BCL7C: variants seen among roughly 807,000 people sequenced by gnomAD.
BCL7C encodes the protein B-cell CLL/lymphoma 7 protein family member C.
A neutral mutation model predicts 26.2 loss-of-function variants in BCL7C; 8 were observed. That is an observed-to-expected ratio of 0.30 (90% CI 0.18 to 0.55). The LOEUF (loss-of-function observed/expected upper bound fraction) is 0.55. BCL7C is among the 20% of genes least tolerant of loss of function. The probability of loss-of-function intolerance (pLI) is 0.93; values close to 1 mark genes in which losing one functional copy is unlikely to be tolerated. For missense variants in BCL7C, 262 were observed against 298.5 expected (o/e 0.88, Z 0.90); for synonymous variants, 90 against 116.5 (o/e 0.77, Z 1.47).
At chr16:30,860,065 TTCAATCTCCCTCTCTCGCTACCC>T in intron 5 of BCL7C, among the ~76,000 whole-genome samples, 1 of 12,496 alleles carries the variant, frequency 8.0e-5, no homozygotes, top group Admixed American at 1.4e-3. Flanking sequence ...CTTGCTACCC[TTCAATCTCCCTCTCTCGCTACCC>T]TTCAATCTCC....
intron 5 of BCL7C, among the ~76,000 whole-genome samples, chr16:30,870,104 T>C (rs2054869814): frequency 6.6e-6 from 1 of 152,126 alleles, no homozygotes; most frequent in South Asian, 2.1e-4. Flanking sequence ...ATGCAGTAAA[T>C]GGGAGCCATT....
At chr16:30,842,803 C>T (rs182317775) in intron 5 of BCL7C, among the ~76,000 whole-genome samples, 4 of 152,210 alleles carry the variant, frequency 2.6e-5, no homozygotes, top group East Asian at 1.9e-4. Context: ...CTCCTGACCT[C>T]GTGATCCGCT....
At chr16:30,872,416 G>A (rs143044737) in intron 5 of BCL7C, among the ~76,000 whole-genome samples, 9 of 152,244 alleles carry the variant, frequency 5.9e-5, no homozygotes, top group Non-Finnish European at 8.8e-5. Flanking sequence ...GGAAAGTGAT[G>A]CCAGTAGCAA....
intron 5 of BCL7C, among the ~76,000 whole-genome samples, chr16:30,869,825 T>C (rs894716181): frequency 1.3e-5 from 2 of 152,156 alleles, no homozygotes; most frequent in Non-Finnish European, 2.9e-5. Context: ...TTTCTGTCTT[T>C]TCTGAGTTCA....
At chr16:30,887,191 C>T (rs2055146602), downstream of BCL7C, among the ~76,000 whole-genome samples, 1 of 152,092 alleles carries the variant, frequency 6.6e-6, no homozygotes, top group African/African-American at 2.4e-5. Context: ...CACCTCTAAT[C>T]CCAGCTACTC....
chr16:30,854,280 AT>A (rs1158934784), intron 5 of BCL7C, among the ~76,000 whole-genome samples: 9 of 152,200 alleles, frequency 5.9e-5, no homozygotes, highest in African/African-American at 9.7e-5. Flanking sequence ...AAAATATATT[AT>A]TCTCCAAACA....
At chr16:30,877,422 G>A (rs1443769620) in intron 5 of BCL7C, among the ~76,000 whole-genome samples, 3 of 148,774 alleles carry the variant, frequency 2.0e-5, no homozygotes, top group African/African-American at 7.4e-5. Context: ...TGTGAGGCAC[G>A]TCACCCGGCC....
chr16:30,855,403 C>T (rs918614057), intron 5 of BCL7C, among the ~76,000 whole-genome samples: 30 of 151,862 alleles, frequency 2.0e-4, no homozygotes, highest in African/African-American at 5.8e-4. Flanking sequence ...CCACCACACC[C>T]GGCTAATTTT....
chr16:30,873,286 T>G (rs1303960866), intron 5 of BCL7C, among the ~76,000 whole-genome samples: 1 of 152,170 alleles, frequency 6.6e-6, no homozygotes, highest in East Asian at 1.9e-4. Context: ...AAAGGCCACA[T>G]AAAGCCCTAA....
chr16:30,879,304 G>T (rs2143075792), intron 5 of BCL7C, among the ~76,000 whole-genome samples: 1 of 152,242 alleles, frequency 6.6e-6, no homozygotes, highest in Non-Finnish European at 1.5e-5. Context: ...CCTAAGAAAA[G>T]GCTGTCCATC....
At chr16:30,844,876 T>C (rs2054624759) in intron 5 of BCL7C, among the ~76,000 whole-genome samples, 1 of 152,200 alleles carries the variant, frequency 6.6e-6, no homozygotes, top group Admixed American at 6.5e-5. Context: ...GCTTTGTCAG[T>C]AGAGGGCGCT....
intron 5 of BCL7C, among the ~76,000 whole-genome samples, chr16:30,863,151 T>C (rs2151373475): frequency 6.6e-6 from 1 of 152,240 alleles, no homozygotes; most frequent in Non-Finnish European, 1.5e-5. Flanking sequence ...TTTCCTTCTT[T>C]CCTGTTCCTC....
In BCL7C at chr16:30,893,904, GC is replaced by G; in HGVS notation, c.40del (p.Ala14ProfsTer8). The part of the protein sequence containing the change: ...RTVRAETRSR[A>X]KDDIKKVMAT... Reference sequence around the variant, plus strand: ...CATCACCTTCTTGATGTCATCCTTGGCCCGGCTCCGGGTCTCGGCCCGTACA... The same window carrying G: ...CATCACCTTCTTGATGTCATCCTTGGCCGGCTCCGGGTCTCGGCCCGTACA... On this transcript the variant is annotated frameshift_variant, in exon 1 of 6. Coordinates refer to ENST00000215115, the MANE Select transcript of BCL7C (RefSeq NM_004765.4). LOFTEE classifies it high-confidence loss of function. This position sits in a 1 kb window ranked among gnomAD's most constrained non-coding sequence, Gnocchi z 5.2. The G allele has an allele frequency of 6.2e-7, 1 of 1,601,004 alleles. No individual in the cohort carries two copies. Among genetic ancestry groups the G allele is most frequent in the Non-Finnish European group, 8.5e-7 (1 of 1,178,820 alleles).
intron 5 of BCL7C, among the ~76,000 whole-genome samples, chr16:30,879,687 T>TAAAAAAAAAAAAAAAAAAAAAAA (rs2055007794): frequency 5.2e-4 from 1 of 1,926 alleles, no homozygotes; most frequent in Non-Finnish European, 4.7e-3. Context: ...TCCCCTTCTC[T>TAAAAAAAAAAAAAAAAAAAAAAA]ACAAAAAAAA....
intron 5 of BCL7C, among the ~76,000 whole-genome samples, chr16:30,865,376 C>A (rs902644046): frequency 1.3e-5 from 2 of 151,878 alleles, no homozygotes; most frequent in Non-Finnish European, 2.9e-5. Context: ...TTGGTGGTAT[C>A]TTCACCCGGA....
At chr16:30,869,964 T>C (rs982853125) in intron 5 of BCL7C, among the ~76,000 whole-genome samples, 2 of 152,150 alleles carry the variant, frequency 1.3e-5, no homozygotes, top group Non-Finnish European at 2.9e-5. Flanking sequence ...TCTAGAAAAA[T>C]AGAGTAGGGC....
chr16:30,877,896 C>T (rs1380114282), intron 5 of BCL7C, among the ~76,000 whole-genome samples: 1 of 150,956 alleles, frequency 6.6e-6, no homozygotes, highest in East Asian at 2.0e-4. Context: ...GGCCCTTGGC[C>T]GGGCGCAGTG....
rs1265811073 is a variant in BCL7C, at chr16:30,890,995, C to G, written c.442+1591G>C. Among the ~76,000 whole-genome samples the G allele has an allele frequency of 2.0e-5, 3 of 151,608 alleles. No homozygotes were observed. In the East Asian group the frequency reaches 5.8e-4, roughly 30 times the overall value. On this transcript the variant is annotated intron_variant, in intron 4 of 5. Transcript: ENST00000215115. ...AATGAAACTCTGTCTCAAAAACAAA[C>G]AAACAAATAAACAAAAAAAACAAAA...
At chr16:30,839,928 A>T (rs954088049) in intron 5 of BCL7C, among the ~76,000 whole-genome samples, 3 of 152,204 alleles carry the variant, frequency 2.0e-5, no homozygotes, top group Non-Finnish European at 4.4e-5. Flanking sequence ...AGCTGGAGAT[A>T]ACTTGGGAAT....
Sources: allele counts gnomAD v4.1 joint callset (sites outside exome capture counted in the v4.1 genomes callset), GRCh38; gene constraint gnomAD v4.1.1; non-coding constraint Gnocchi (gnomAD v3.1); transcripts MANE v1.5; gene names NCBI Gene and HGNC (gene_info 2026-07-23, HGNC 2026-07-21).